The following DLG2 variants were observed in gnomAD, a reference collection of about 807,000 sequenced individuals.
DLG2 encodes discs large MAGUK scaffold protein 2, also known as disks large homolog 2.
In DLG2, 45 loss-of-function variants were observed where a neutral mutation model predicts 132.5. That is an observed-to-expected ratio of 0.34 (90% CI 0.27 to 0.44). DLG2 has a LOEUF of 0.44. Ranked by LOEUF, DLG2 falls within the 20% of genes least tolerant of loss-of-function variation. The pLI is 1.00. For synonymous variants in DLG2, 424 were observed against 419.6 expected (o/e 1.01, Z -0.13); for missense variants, 1,045 against 1,196.9 (o/e 0.87, Z 1.87).
chr11:85,609,888 C>A (rs1029465286), intron 2 of DLG2, among the ~76,000 whole-genome samples: 1 of 152,236 alleles, frequency 6.6e-6, no homozygotes. Context: ...ATTTCTCCCA[C>A]CTCCTCAGTT....
chr11:84,774,279 T>TA (rs561270947), intron 6 of DLG2, among the ~76,000 whole-genome samples: 4 of 151,046 alleles, frequency 2.6e-5, no homozygotes, highest in African/African-American at 9.7e-5. Flanking sequence ...AAAAAATAAA[T>TA]AAAAAAACAA....
chr11:83,844,296 G>T (rs1387137908), intron 16 of DLG2, among the ~76,000 whole-genome samples: 1 of 149,694 alleles, frequency 6.7e-6, no homozygotes, highest in Admixed American at 6.7e-5. Context: ...AGTAATCTCA[G>T]TACTTTGGGA....
intron 18 of DLG2, among the ~76,000 whole-genome samples, chr11:83,674,512 C>A (rs1048955965): frequency 6.6e-6 from 1 of 152,142 alleles, no homozygotes. Context: ...ATAATGGTAC[C>A]TTTTAATGCT....
At chr11:84,103,062 T>A (rs2092656214) in intron 9 of DLG2, among the ~76,000 whole-genome samples, 1 of 152,100 alleles carries the variant, frequency 6.6e-6, no homozygotes, top group Non-Finnish European at 1.5e-5. Context: ...CCCTGAAAGC[T>A]TTTGTGTTTC....
At chr11:84,991,915 T>A (rs2057163871) in intron 6 of DLG2, among the ~76,000 whole-genome samples, 1 of 152,216 alleles carries the variant, frequency 6.6e-6, no homozygotes, top group Non-Finnish European at 1.5e-5. Flanking sequence ...AATAACTAAC[T>A]TGATATGCAA....
At chr11:83,549,608 C>A (rs2096335039) in intron 19 of DLG2, among the ~76,000 whole-genome samples, 1 of 152,094 alleles carries the variant, frequency 6.6e-6, no homozygotes. Flanking sequence ...ATGTAGTAAA[C>A]TTCTTCAAAA....
rs1273149581 is a variant in DLG2 at position 83,652,640 on chromosome 11, G to A, written c.1826-19315C>T. On this transcript the variant is annotated intron_variant, in intron 18 of 27. Transcript: ENST00000376104. The stretch of plus-strand genomic sequence containing the variant: ...GCCTGCCCTGGCCTCCCACAGTGCT[G>A]GGATTACGGGTGTGAGCCACTGCGC... 3.3e-5 allele frequency among the ~76,000 whole-genome samples: 5 copies of A among 152,140 alleles called. No homozygotes were observed. The East Asian group carries it at 9.6e-4, about 29-fold the overall frequency.
intron 6 of DLG2, among the ~76,000 whole-genome samples, chr11:84,774,245 A>G (rs12361279): frequency 0.27 from 40,656 of 151,814 alleles, 5,922 homozygotes; most frequent in Admixed American, 0.31. Context: ...AAAGACTTCT[A>G]CAGAAGAACT....
At chr11:84,457,769 CAA>C (rs934340923) in intron 7 of DLG2, among the ~76,000 whole-genome samples, 3 of 150,874 alleles carry the variant, frequency 2.0e-5, no homozygotes, top group East Asian at 1.9e-4. Context: ...GTTAATTTTC[CAA>C]AGTTATATTT....
intron 8 of DLG2, among the ~76,000 whole-genome samples, chr11:84,209,324 G>C (rs1192624684): frequency 6.6e-6 from 1 of 152,146 alleles, no homozygotes; most frequent in Non-Finnish European, 1.5e-5. Flanking sequence ...AATAAGAAAA[G>C]CCTGAAAAAT....
chr11:85,309,262 A>G (rs909637809), intron 3 of DLG2, among the ~76,000 whole-genome samples: 1 of 152,166 alleles, frequency 6.6e-6, no homozygotes. Context: ...ATCTAAGTCC[A>G]GCTCAGATAA....
chr11:85,200,005 C>G (rs1041388938), intron 4 of DLG2, among the ~76,000 whole-genome samples: 56 of 150,240 alleles, frequency 3.7e-4, no homozygotes, highest in African/African-American at 1.2e-3. Context: ...AGAATAAGAA[C>G]AAACATGCTC....
rs114504174 is a variant in DLG2, at chr11:85,147,054, G to A, written c.282+7502C>T. On this transcript the variant is annotated intron_variant, in intron 5 of 27. Transcript: ENST00000376104. ...ACAATCACTTCACTCTCTCTCCTGC[G>A]AACACACAGATTTTCTGAATACATG... Among the ~76,000 whole-genome samples the A allele has an allele frequency of 2.0e-3, 297 of 152,264 alleles. 1 individual carries two copies. Among genetic ancestry groups the A allele is most frequent in the African/African-American group, 6.4e-3 (265 of 41,554 alleles).
At chr11:83,617,171 T>A (rs1006363678) in intron 19 of DLG2, among the ~76,000 whole-genome samples, 1 of 152,194 alleles carries the variant, frequency 6.6e-6, no homozygotes, top group African/African-American at 2.4e-5. Flanking sequence ...TCTATCACCA[T>A]CACCAACAAA....
At chr11:84,627,592 C>G (rs2099624944) in intron 6 of DLG2, among the ~76,000 whole-genome samples, 1 of 152,198 alleles carries the variant, frequency 6.6e-6, no homozygotes, top group African/African-American at 2.4e-5. Context: ...GAGTTTGAAT[C>G]TTGTCTCTCA....
At chr11:83,470,886 A>G (rs1241941741) in intron 24 of DLG2, among the ~76,000 whole-genome samples, 1 of 152,140 alleles carries the variant, frequency 6.6e-6, no homozygotes, top group Admixed American at 6.6e-5. Context: ...TATCTAATAA[A>G]TTAAAATTTC....
chr11:85,487,870 G>C (rs753467231), intron 3 of DLG2, among the ~76,000 whole-genome samples: 2 of 152,182 alleles, frequency 1.3e-5, no homozygotes, highest in Admixed American at 1.3e-4. Context: ...TAATCAGACT[G>C]TCTAATATGG....
At chr11:85,363,125 C>G (rs2084286421) in intron 3 of DLG2, among the ~76,000 whole-genome samples, 1 of 152,154 alleles carries the variant, frequency 6.6e-6, no homozygotes, top group African/African-American at 2.4e-5. Context: ...CGGCAAGTAC[C>G]AAATTATCCA....
chr11:84,538,760 C>T (rs1228838162), intron 6 of DLG2, among the ~76,000 whole-genome samples: 1 of 152,096 alleles, frequency 6.6e-6, no homozygotes, highest in African/African-American at 2.4e-5. Flanking sequence ...CCACTGTAGA[C>T]AATAGGGAGT....
Sources: allele counts gnomAD v4.1 joint callset (sites outside exome capture counted in the v4.1 genomes callset), GRCh38; gene constraint gnomAD v4.1.1; transcripts MANE v1.5; gene names NCBI Gene and HGNC (gene_info 2026-07-23, HGNC 2026-07-21).